The following TNS1 variants were observed in gnomAD, a reference collection of about 807,000 sequenced individuals.
TNS1 encodes the protein tensin 1.
Under a neutral mutation model 168.6 loss-of-function variants are expected in TNS1, and 62 were observed. That is an observed-to-expected ratio of 0.37 (90% CI 0.30 to 0.45). TNS1 has a LOEUF of 0.45. Ranked by LOEUF, TNS1 falls within the 20% of genes least tolerant of loss-of-function variation. The pLI is 1.00. For synonymous variants in TNS1, 934 were observed against 933.2 expected (o/e 1.00, Z -0.02); for missense variants, 2,240 against 2,339.4 (o/e 0.96, Z 0.88).
chr2:218,018,541 C>G (rs950938952), intron 1 of TNS1, among the ~76,000 whole-genome samples: 1 of 152,232 alleles, frequency 6.6e-6, no homozygotes, highest in African/African-American at 2.4e-5. Flanking sequence ...CCGCTTCTCA[C>G]GCAGACATCT....
At chr2:217,955,023 G>A (rs960200890) in intron 3 of TNS1, among the ~76,000 whole-genome samples, 5 of 152,246 alleles carry the variant, frequency 3.3e-5, no homozygotes, top group South Asian at 2.1e-4. Flanking sequence ...ACCCAACAGC[G>A]GCTGGGTGCA....
In TNS1 at chr2:217,907,172, C is replaced by T. The variant is rs772352750; in HGVS notation, c.270+38G>A. ...TCCAGCCTTCTCACACCTGCCCAGG[C>T]TGTTCCAGCTCCCCCACCACCACCT... On this transcript the variant is annotated intron_variant, in intron 5 of 32. Transcript: ENST00000682258. 4.8e-5 allele frequency: 34 copies of T among 702,922 alleles called. No homozygotes were observed. In the East Asian group the frequency reaches 6.7e-4, roughly 14 times the overall value. The allele number at this position is 702,922 out of a possible 1,614,324, so 43.5% of individuals were successfully genotyped here. A position where few individuals can be genotyped will look rare whatever the true frequency, so the allele number is the denominator to read the frequency against.
chr2:217,821,803 A>T lies in TNS1; in HGVS notation c.3509T>A (p.Leu1170Gln), dbSNP rs1371312122. The change falls in exon 23 of 33, where the codon CTG becomes CAG. Residue 1170 changes from leucine to glutamine, a missense_variant. Physicochemically the swap from Leu to Gln is moderately radical, Grantham distance 113. Around this residue, in one of 2 missense-constraint regions of TNS1, gnomAD observed 2,131 missense variants for 2,171.2 expected, o/e 0.98. Coordinates refer to ENST00000682258, the MANE Select transcript of TNS1 (RefSeq NM_001387777.1). ...GCTGGGGGAGACAAAGGAGCCACCC[A>T]GGGTCCCGTTCCTCAGGGGTATCTC... is the stretch of plus-strand genomic sequence containing the variant. ...GHEIPLRNGT[L>Q]GGSFVSPSPL... The T allele has an allele frequency of 6.5e-7, 1 of 1,545,028 alleles. No homozygotes were observed. The highest frequency in any genetic ancestry group is 1.2e-5 in the South Asian group (1 of 81,046).
At chr2:217,979,055 G>A (rs1479570969) in intron 2 of TNS1, 1 of 475,820 alleles carries the variant, frequency 2.1e-6, no homozygotes, top group Non-Finnish European at 3.7e-6. Flanking sequence ...GAGCCCCTCC[G>A]GGTGCGGGAA....
chr2:217,907,925 T>C (rs1953907328), intron 4 of TNS1, among the ~76,000 whole-genome samples: 1 of 152,174 alleles, frequency 6.6e-6, no homozygotes, highest in Non-Finnish European at 1.5e-5. Context: ...CAAGGAGGGC[T>C]CTCTTCCTCC....
intron 3 of TNS1, among the ~76,000 whole-genome samples, chr2:217,952,980 C>T (rs1053176723): frequency 6.6e-6 from 1 of 152,232 alleles, no homozygotes; most frequent in African/African-American, 2.4e-5. Flanking sequence ...TAGGGAGGAG[C>T]TCAATGACGT....
rs144669301 is a variant in TNS1, at chr2:217,804,603, C to A, written c.5376G>T (p.Lys1792Asn). 4.5e-4 allele frequency: 726 copies of A among 1,613,894 alleles called. 1 individual carries two copies. Among genetic ancestry groups the A allele is most frequent in the Non-Finnish European group, 3.8e-4 (446 of 1,179,922 alleles). The change falls in exon 33 of 33, where the codon AAG (lysine) becomes AAT (asparagine). Residue 1792 changes from lysine (K) to asparagine (N), a missense_variant and splice_region_variant. Lys to Asn is a moderately conservative substitution (Grantham distance 94, BLOSUM62 0). This residue lies in a region of TNS1 where 109 missense variants were observed against 168.1 expected (regional missense o/e 0.65). Coordinates refer to ENST00000682258, the MANE Select transcript of TNS1 (RefSeq NM_001387777.1). Reference sequence around the variant, plus strand: ...GCTTCCGGGCCACGAAGCCGAAGAGCCTGCAGGCGGGAGAGGGCAACGGGC... The same window carrying A: ...GCTTCCGGGCCACGAAGCCGAAGAGACTGCAGGCGGGAGAGGGCAACGGGC... ...WMKTEGGAPA[K>N]LFGFVARKQG...
rs140974243 is a variant in TNS1 at position 218,033,206 on chromosome 2, C to A, written c.156+614G>T. ...CTACTCTCCCAGGAAGAAACCAGCA[C>A]CACACCTATCCCAGGCCTGATGGTT... On this transcript the variant is annotated intron_variant, in intron 1 of 1. Transcript: ENST00000649572. This position sits in a 1 kb window ranked among gnomAD's most constrained non-coding sequence, Gnocchi z 4.3. Among the ~76,000 whole-genome samples the A allele has an allele frequency of 6.6e-6, 1 of 152,212 alleles. No individual in the cohort carries two copies. The highest frequency in any genetic ancestry group is 1.5e-5 in the Non-Finnish European group (1 of 68,030).
chr2:217,830,852 C>A (rs577906811), intron 22 of TNS1, among the ~76,000 whole-genome samples: 1 of 152,166 alleles, frequency 6.6e-6, no homozygotes. Context: ...GCAAGGGGAT[C>A]GAGGAAACGG....
At chr2:217,976,311 T>C (rs1027272664) in intron 3 of TNS1, among the ~76,000 whole-genome samples, 1 of 152,206 alleles carries the variant, frequency 6.6e-6, no homozygotes, top group East Asian at 1.9e-4. Context: ...ATGGACAAGA[T>C]GACCTCAAGG....
chr2:217,918,345 C>T (rs1472190813), intron 4 of TNS1, among the ~76,000 whole-genome samples: 2 of 152,170 alleles, frequency 1.3e-5, no homozygotes, highest in Non-Finnish European at 2.9e-5. Flanking sequence ...CTCTTTACCG[C>T]TGGGGAGGCG....
chr2:217,833,229 AG>A (rs1452015467), intron 21 of TNS1, among the ~76,000 whole-genome samples: 1 of 152,246 alleles, frequency 6.6e-6, no homozygotes, highest in Non-Finnish European at 1.5e-5. Context: ...CGAGAGGACC[AG>A]ACAGGGCAGG....
At chr2:218,013,340 A>G (rs1172131086), upstream of TNS1, among the ~76,000 whole-genome samples, 1 of 152,118 alleles carries the variant, frequency 6.6e-6, no homozygotes, top group East Asian at 1.9e-4. Context: ...GCAGAGATGC[A>G]AAGCTCCCCA....
chr2:217,994,471 CA>C (rs1958433177), intron 1 of TNS1, among the ~76,000 whole-genome samples: 1 of 152,304 alleles, frequency 6.6e-6, no homozygotes, highest in Admixed American at 6.5e-5. Flanking sequence ...CTGTCTCTCC[CA>C]CCCCACAAAG....
intron 18 of TNS1, among the ~76,000 whole-genome samples, chr2:217,870,228 G>A (rs936601512): frequency 6.6e-6 from 1 of 152,242 alleles, no homozygotes; most frequent in Non-Finnish European, 1.5e-5. Context: ...CCCACGGGCT[G>A]CAGGGCAGAG....
At chr2:217,822,014 T>G (rs1331053916) in intron 22 of TNS1, 76 bp from the exon 23 acceptor site, 22 of 1,400,354 alleles carry the variant, frequency 1.6e-5, no homozygotes, top group Non-Finnish European at 2.0e-5. Flanking sequence ...CAACCTCCCC[T>G]GGAACACAGC....
chr2:217,977,504 C>T (rs577461784), intron 3 of TNS1, among the ~76,000 whole-genome samples: 81 of 152,332 alleles, frequency 5.3e-4, no homozygotes, highest in African/African-American at 1.4e-3. Flanking sequence ...CTGCTTGATC[C>T]GTCAGCACCC....
intron 3 of TNS1, among the ~76,000 whole-genome samples, chr2:217,951,716 G>A (rs1003784663): frequency 3.3e-5 from 5 of 152,096 alleles, no homozygotes; most frequent in Non-Finnish European, 5.9e-5. Context: ...CTGCTTCCTG[G>A]AACCCTTGGT....
In TNS1 at chr2:217,813,138, T is replaced by C; in HGVS notation, c.4954+77A>G. 1 of 1,083,162 alleles carries C rather than the reference T, an allele frequency of 9.2e-7. No homozygotes were observed. The highest frequency in any genetic ancestry group is 1.4e-6 in the Non-Finnish European group (1 of 722,908). 67.1% of individuals were successfully genotyped at this position (1,083,162 alleles called of 1,614,324 possible). A position where few individuals can be genotyped will look rare whatever the true frequency, so the allele number is the denominator to read the frequency against. ...AGAGCCTGTCAGAAAGAACTTGGGG[T>C]CAGACCCCTGGAGGAACCCAGGACA... On this transcript the variant is annotated intron_variant, in intron 27 of 32. Transcript: ENST00000682258. This position sits in a 1 kb window ranked among gnomAD's most constrained non-coding sequence, Gnocchi z 4.0.
Sources: allele counts gnomAD v4.1 joint callset (sites outside exome capture counted in the v4.1 genomes callset), GRCh38; gene constraint gnomAD v4.1.1; regional missense constraint gnomAD v4.1.1; non-coding constraint Gnocchi (gnomAD v3.1); transcripts MANE v1.5; gene names NCBI Gene and HGNC (gene_info 2026-07-23, HGNC 2026-07-21).